The following PTPRE variants were observed in gnomAD, a reference collection of about 807,000 sequenced individuals.
PTPRE encodes the protein protein tyrosine phosphatase receptor type E.
A neutral mutation model predicts 102.0 loss-of-function variants in PTPRE; 51 were observed. The observed-to-expected ratio is 0.50, with a 90% CI of 0.40 to 0.63. The LOEUF is 0.63. Among genes scored for constraint, PTPRE ranks in the 30% least tolerant of loss-of-function variants. The pLI is 0.00. For synonymous variants in PTPRE, 345 were observed against 348.2 expected (o/e 0.99, Z 0.10); for missense variants, 752 against 915.1 (o/e 0.82, Z 2.30).
At chr10:127,969,939 ACT>A (rs1850587250) in intron 1 of PTPRE, among the ~76,000 whole-genome samples, 1 of 152,074 alleles carries the variant, frequency 6.6e-6, no homozygotes. Flanking sequence ...CTCTTCAGAA[ACT>A]CTGGTGCTGG....
intron 15 of PTPRE, 57 bp from the exon 16 acceptor site, chr10:128,072,081 A>G (rs1044941177): frequency 1.0e-5 from 15 of 1,477,764 alleles, no homozygotes; most frequent in Non-Finnish European, 1.3e-5. Context: ...GCAATGGATT[A>G]AAGTTAGCAA....
At chr10:128,061,855 A>G in intron 9 of PTPRE, 140 bp downstream of exon 9, 3 of 1,066,806 alleles carry the variant, frequency 2.8e-6, no homozygotes, top group Non-Finnish European at 3.9e-6. Flanking sequence ...TTAGATATCC[A>G]TTCACACAAC....
intron 2 of PTPRE, among the ~76,000 whole-genome samples, chr10:128,013,084 T>C (rs1281923647): frequency 6.6e-6 from 1 of 152,202 alleles, no homozygotes; most frequent in African/African-American, 2.4e-5. Context: ...TTTAATAAAA[T>C]ACTCCCAAAG....
chr10:127,968,583 A>T (rs1850448380), intron 1 of PTPRE, among the ~76,000 whole-genome samples: 1 of 152,222 alleles, frequency 6.6e-6, no homozygotes, highest in Non-Finnish European at 1.5e-5. Context: ...CCACACAGAA[A>T]GGTTTGAGGC....
At position 128,068,121 on chromosome 10, in the gene PTPRE, A is replaced by G. The variant is rs757064086; in HGVS notation, c.844-2A>G. 2.5e-6 allele frequency: 4 copies of G among 1,611,280 alleles called. No individual in the cohort carries two copies. The Admixed American group carries it at 6.7e-5, about 27-fold the overall frequency. ...ACTCTTGTCTCCCCGCGTCCCCCGC[A>G]GCAGCTCCCCGACGGCTGCAAAGCC... On this transcript the variant is annotated splice_acceptor_variant, in intron 11 of 20. Coordinates refer to ENST00000254667, the MANE Select transcript of PTPRE (RefSeq NM_006504.6). LOFTEE classifies it high-confidence loss of function.
At chr10:128,046,704 G>A (rs971869148) in intron 3 of PTPRE, among the ~76,000 whole-genome samples, 2 of 152,196 alleles carry the variant, frequency 1.3e-5, no homozygotes, top group Admixed American at 6.5e-5. Context: ...GAGGCCACCA[G>A]TGTCCCTTGG....
At chr10:128,080,573 T>A (rs528989326) in intron 20 of PTPRE, among the ~76,000 whole-genome samples, 1 of 152,344 alleles carries the variant, frequency 6.6e-6, no homozygotes, top group South Asian at 2.1e-4. Flanking sequence ...TTTTAGGGAC[T>A]CACAGCTCTC....
At chr10:128,082,261 A>G (rs1455257871) in intron 20 of PTPRE, among the ~76,000 whole-genome samples, 2 of 118,438 alleles carry the variant, frequency 1.7e-5, no homozygotes, top group Non-Finnish European at 3.2e-5. Context: ...GCTGGAGTGC[A>G]GTGGTGCAGT....
At chr10:128,056,824 G>T (rs1849010554) in intron 7 of PTPRE, among the ~76,000 whole-genome samples, 1 of 152,084 alleles carries the variant, frequency 6.6e-6, no homozygotes, top group Admixed American at 6.5e-5. Context: ...GTGCGTCTCG[G>T]TGACCTGCTC....
At chr10:128,077,309 T>C (rs1261631062) in intron 18 of PTPRE, among the ~76,000 whole-genome samples, 2 of 152,170 alleles carry the variant, frequency 1.3e-5, no homozygotes, top group Admixed American at 6.5e-5. Flanking sequence ...CTTGAGAAAG[T>C]GATTCCCTTC....
At chr10:127,936,380 A>G (rs2135267240) in intron 1 of PTPRE, among the ~76,000 whole-genome samples, 1 of 152,252 alleles carries the variant, frequency 6.6e-6, no homozygotes, top group South Asian at 2.1e-4. Flanking sequence ...AACTTGACAT[A>G]ATTTGAGCTG....
At chr10:128,001,833 T>C (rs1853935318) in intron 2 of PTPRE, among the ~76,000 whole-genome samples, 2 of 152,188 alleles carry the variant, frequency 1.3e-5, no homozygotes, top group South Asian at 4.1e-4. Flanking sequence ...GAAAGCACGC[T>C]GTCATCTGGA....
chr10:127,952,729 A>G (rs1156969339), intron 1 of PTPRE, among the ~76,000 whole-genome samples: 1 of 152,178 alleles, frequency 6.6e-6, no homozygotes, highest in Non-Finnish European at 1.5e-5. Flanking sequence ...TCAGACACTC[A>G]ATCTTGCAAG....
intron 1 of PTPRE, among the ~76,000 whole-genome samples, chr10:127,955,915 C>T (rs1261716504): frequency 6.6e-6 from 1 of 152,108 alleles, no homozygotes; most frequent in Admixed American, 6.5e-5. Context: ...ACCATCAGAT[C>T]TCGTGAGAAC....
intron 20 of PTPRE, 78 bp from the exon 21 acceptor site, chr10:128,082,742 TATTTATGTCTTG>T: frequency 7.1e-7 from 1 of 1,411,118 alleles, no homozygotes; most frequent in Non-Finnish European, 9.5e-7. Flanking sequence ...TAGTCACACT[TATTTATGTCTTG>T]TTTTTGAGTA....
At chr10:128,072,035 A>G (rs1428026115) in intron 15 of PTPRE, 103 bp from the exon 16 acceptor site, 2 of 846,544 alleles carry the variant, frequency 2.4e-6, no homozygotes, top group African/African-American at 3.5e-5. Flanking sequence ...TTACGTAGTG[A>G]TTTTATTAAT....
At chr10:127,987,511 T>A (rs1852194210) in intron 2 of PTPRE, 1 of 405,498 alleles carries the variant, frequency 2.5e-6, no homozygotes, top group Admixed American at 4.0e-5. Context: ...CAGGAAGGCG[T>A]CGTTAAATGA....
chr10:127,993,768 G>GGGGTGTGT (rs1554912234), intron 2 of PTPRE, among the ~76,000 whole-genome samples: 2 of 150,664 alleles, frequency 1.3e-5, no homozygotes, highest in South Asian at 2.1e-4. Context: ...CTTTCATAGT[G>GGGGTGTGT]GTGTGTGTGT....
At chr10:128,013,708 A>G (rs1845197347) in intron 2 of PTPRE, among the ~76,000 whole-genome samples, 1 of 152,162 alleles carries the variant, frequency 6.6e-6, no homozygotes, top group Admixed American at 6.6e-5. Context: ...TGTTGAGGAC[A>G]CAGCAAAAAG....
Sources: gnomAD v4.1 joint callset for allele counts (sites outside exome capture counted in the v4.1 genomes callset) on GRCh38, gnomAD v4.1.1 for gene constraint, MANE v1.5 for transcripts, NCBI Gene and HGNC (gene_info 2026-07-23, HGNC 2026-07-21) for gene names.